The following SPTLC3 variants were observed in gnomAD, a reference collection of about 807,000 sequenced individuals.
The protein encoded by SPTLC3 is serine palmitoyltransferase long chain base subunit 3.
In SPTLC3, 36 loss-of-function variants were observed where a neutral mutation model predicts 59.3. The observed-to-expected ratio is 0.61, with a 90% CI of 0.47 to 0.80. The LOEUF (loss-of-function observed/expected upper bound fraction) is 0.80, where lower values mean the gene tolerates loss of function less well. Among genes scored for constraint, SPTLC3 ranks in the 30% least tolerant of loss-of-function variants. The pLI is 0.00. For synonymous variants in SPTLC3, 257 were observed against 240.8 expected, an observed-to-expected ratio of 1.07 and a Z score of -0.62; for missense variants, 625 against 685.1, an observed-to-expected ratio of 0.91 and a Z score of 0.98.
chr20:13,162,311 T>C (rs1293483508), intron 11 of SPTLC3, among the ~76,000 whole-genome samples: 1 of 152,156 alleles, frequency 6.6e-6, no homozygotes, highest in Non-Finnish European at 1.5e-5. Flanking sequence ...AATTTGTAAT[T>C]TTGTGCTCCA....
chr20:13,064,420 A>C (rs978477299), intron 2 of SPTLC3, among the ~76,000 whole-genome samples: 1 of 152,016 alleles, frequency 6.6e-6, no homozygotes, highest in South Asian at 2.1e-4. Flanking sequence ...CAACCCCCCG[A>C]GTAGCTGAAA....
At chr20:13,014,734 C>A (rs1372204512) in intron 1 of SPTLC3, among the ~76,000 whole-genome samples, 1 of 150,480 alleles carries the variant, frequency 6.6e-6, no homozygotes, top group Non-Finnish European at 1.5e-5. Context: ...GGGACTGAGA[C>A]TTGTCGGGGA....
rs556533882 is a variant in SPTLC3, at chr20:13,098,289, T to A, written c.826+4712T>A. 2.0e-5 allele frequency among the ~76,000 whole-genome samples: 3 copies of A among 152,258 alleles called. No homozygotes were observed. The South Asian group carries it at 6.2e-4, about 32-fold the overall frequency. ...GACCATGATATATGCAACTTTGTCT[T>A]AATTCAGGGAAACAATTGTGTGTGT... On this transcript the variant is annotated intron_variant, in intron 6 of 11. Coordinates refer to ENST00000399002, the MANE Select transcript of SPTLC3 (RefSeq NM_018327.4).
intron 9 of SPTLC3, among the ~76,000 whole-genome samples, chr20:13,152,238 G>A (rs960131064): frequency 6.6e-6 from 1 of 152,174 alleles, no homozygotes; most frequent in Non-Finnish European, 1.5e-5. Flanking sequence ...CACTAATTTG[G>A]TTGTTGTGAT....
intron 1 of SPTLC3, among the ~76,000 whole-genome samples, chr20:13,042,557 C>T (rs1987035333): frequency 1.3e-5 from 2 of 152,212 alleles, no homozygotes; most frequent in South Asian, 4.1e-4. Context: ...AGTAAACCCT[C>T]AACCTCTCAG....
At position 13,148,539 on chromosome 20, in the gene SPTLC3, G is replaced by T. The variant is rs959784940; in HGVS notation, c.1280-5464G>T. Among the ~76,000 whole-genome samples, 55 of 152,200 alleles carry T rather than the reference G, an allele frequency of 3.6e-4. 2 individuals carry two copies. Among genetic ancestry groups the T allele is most frequent in the Admixed American group, 3.9e-4 (6 of 15,278 alleles). On this transcript the variant is annotated intron_variant, in intron 9 of 11. Transcript: ENST00000399002. The stretch of plus-strand genomic sequence containing the variant: ...TCAGGAACCTGAGCACTCAGGAACT[G>T]CTGGGAAGTAATCATGCCAAACAAG...
At chr20:13,076,121 G>C (rs956832920) in intron 4 of SPTLC3, among the ~76,000 whole-genome samples, 3 of 152,112 alleles carry the variant, frequency 2.0e-5, no homozygotes, top group African/African-American at 7.2e-5. Flanking sequence ...CATTTTTCAA[G>C]TAAATAGTGA....
At chr20:13,112,281 T>C (rs1184842553) in intron 7 of SPTLC3, among the ~76,000 whole-genome samples, 1 of 152,202 alleles carries the variant, frequency 6.6e-6, no homozygotes, top group Non-Finnish European at 1.5e-5. Flanking sequence ...TGGCCCTCGG[T>C]ACTGGCTCTC....
chr20:13,153,412 C>A (rs1218436342), intron 9 of SPTLC3, among the ~76,000 whole-genome samples: 1 of 152,096 alleles, frequency 6.6e-6, no homozygotes, highest in African/African-American at 2.4e-5. Context: ...AAGCAGGGGT[C>A]CCCCTCTTTC....
intron 3 of SPTLC3, among the ~76,000 whole-genome samples, chr20:13,073,240 A>G (rs1350329121): frequency 6.6e-6 from 1 of 152,062 alleles, no homozygotes; most frequent in Non-Finnish European, 1.5e-5. Context: ...GTAACAACCA[A>G]TCTACTCTCC....
chr20:13,107,116 G>A (rs555366300), intron 6 of SPTLC3, among the ~76,000 whole-genome samples: 3 of 152,290 alleles, frequency 2.0e-5, no homozygotes, highest in South Asian at 2.1e-4. Flanking sequence ...CTCGCTTTGC[G>A]TTATGGGTTC....
At position 13,010,878 on chromosome 20, in the gene SPTLC3, TAGAC is replaced by T. The variant is rs145817858; in HGVS notation, c.117+1497_117+1500del. 4.6e-3 allele frequency among the ~76,000 whole-genome samples: 701 copies of T among 152,264 alleles called. 10 individuals carry two copies. The highest frequency in any genetic ancestry group is 0.016 in the African/African-American group (675 of 41,548). On this transcript the variant is annotated intron_variant, in intron 1 of 11. Coordinates refer to ENST00000399002, the MANE Select transcript of SPTLC3 (RefSeq NM_018327.4). The stretch of plus-strand genomic sequence containing the variant: ...CATTCGAGGTATGAGATTAGAAACT[TAGAC>T]AGTTATAACCACTCCTAAGTAAGGA...
chr20:13,131,484 C>T lies in SPTLC3; in HGVS notation c.1279+4767C>T, dbSNP rs75803837. On this transcript the variant is annotated intron_variant, in intron 9 of 11. Coordinates refer to ENST00000399002, the MANE Select transcript of SPTLC3 (RefSeq NM_018327.4). ...CATGATGCTTGATACACACTAAACACTCAATAAAGTCATAGTACTTTCAAC... is the reference window on the plus strand; with the variant it reads ...CATGATGCTTGATACACACTAAACATTCAATAAAGTCATAGTACTTTCAAC... Among the ~76,000 whole-genome samples the T allele has an allele frequency of 7.1e-3, 1,083 of 152,332 alleles. 14 individuals are homozygous for T. The highest frequency in any genetic ancestry group is 0.024 in the African/African-American group (1,001 of 41,566).
intron 2 of SPTLC3, among the ~76,000 whole-genome samples, chr20:13,058,128 C>T (rs1043205557): frequency 2.0e-5 from 3 of 148,348 alleles, no homozygotes; most frequent in Non-Finnish European, 3.0e-5. Flanking sequence ...TTACTCCCAC[C>T]GAAAACAAAG....
At chr20:13,135,107 G>A (rs1368707403) in intron 9 of SPTLC3, among the ~76,000 whole-genome samples, 1 of 152,210 alleles carries the variant, frequency 6.6e-6, no homozygotes, top group Non-Finnish European at 1.5e-5. Context: ...GTAGACATCT[G>A]ACAGAGATAC....
intron 1 of SPTLC3, among the ~76,000 whole-genome samples, chr20:13,035,556 G>A (rs1414138055): frequency 1.3e-5 from 2 of 152,122 alleles, no homozygotes; most frequent in Non-Finnish European, 2.9e-5. Flanking sequence ...TTATCAGGAA[G>A]GTGCTGTGTC....
intron 1 of SPTLC3, among the ~76,000 whole-genome samples, chr20:13,040,570 G>A (rs966105429): frequency 6.6e-6 from 1 of 152,088 alleles, no homozygotes; most frequent in African/African-American, 2.4e-5. Context: ...ATGTTGGCCA[G>A]GATGGTCTCG....
At chr20:13,011,121 T>C (rs547945387) in intron 1 of SPTLC3, among the ~76,000 whole-genome samples, 19 of 152,168 alleles carry the variant, frequency 1.2e-4, no homozygotes, top group African/African-American at 4.6e-4. Flanking sequence ...TTAAAAAATA[T>C]TTTTCAGAAA....
intron 1 of SPTLC3, among the ~76,000 whole-genome samples, chr20:13,046,120 T>C (rs1987220780): frequency 6.6e-6 from 1 of 152,168 alleles, no homozygotes; most frequent in Admixed American, 6.6e-5. Flanking sequence ...GTTCCCTTTA[T>C]TCACCCTTTT....
Sources: allele counts gnomAD v4.1 joint callset (sites outside exome capture counted in the v4.1 genomes callset), GRCh38; gene constraint gnomAD v4.1.1; transcripts MANE v1.5; gene names NCBI Gene and HGNC (gene_info 2026-07-23, HGNC 2026-07-21).